The following WNK1 variants were observed in gnomAD, a reference collection of about 807,000 sequenced individuals.
WNK1 encodes the protein WNK lysine deficient protein kinase 1, also known as serine/threonine-protein kinase WNK1.
WNK1 carries 38 observed loss-of-function variants against 222.8 expected under a neutral mutation model. The ratio of observed to expected loss-of-function variants is 0.17; its 90% confidence interval spans 0.13 to 0.22. The LOEUF (loss-of-function observed/expected upper bound fraction) is 0.22. Among genes scored for constraint, WNK1 ranks in the 10% least tolerant of loss-of-function variants. WNK1 has a pLI of 1.00. For missense variants in WNK1, 2,348 were observed against 2,918.4 expected, an observed-to-expected ratio of 0.80 and a Z score of 4.50; for synonymous variants, 1,090 against 1,092.9, an observed-to-expected ratio of 1.00 and a Z score of 0.05.
At chr12:821,361 T>G (rs769857500) in intron 2 of WNK1, among the ~76,000 whole-genome samples, 1 of 152,210 alleles carries the variant, frequency 6.6e-6, no homozygotes, top group African/African-American at 2.4e-5. Flanking sequence ...AGAAAGTGTT[T>G]CCTCCACTTT....
Position 889,685 on chromosome 12 carries a change from G to T in WNK1, c.5448+462G>T, listed in dbSNP as rs187055638. On this transcript the variant is annotated intron_variant, in intron 21 of 27. Coordinates refer to ENST00000315939, the MANE Select transcript of WNK1 (RefSeq NM_018979.4). ...TACAAAAAATTATCCAGGTGTGGTG[G>T]TGCACGCCTGTAGTCCCAGCTACTC... 1.3e-3 allele frequency among the ~76,000 whole-genome samples: 201 copies of T among 152,186 alleles called. 2 individuals are homozygous for T. The highest frequency in any genetic ancestry group is 4.7e-3 in the East Asian group (24 of 5,158).
chr12:802,467 A>G (rs779972588), intron 1 of WNK1, among the ~76,000 whole-genome samples: 1 of 152,208 alleles, frequency 6.6e-6, no homozygotes, highest in East Asian at 1.9e-4. Context: ...GCGGGGTCAT[A>G]AACAGTAGGT....
chr12:757,156 T>C (rs1940177310), intron 1 of WNK1, among the ~76,000 whole-genome samples: 1 of 152,130 alleles, frequency 6.6e-6, no homozygotes, highest in Non-Finnish European at 1.5e-5. Context: ...TTCAGGCTTC[T>C]GTTTTGGGTG....
At chr12:902,215 C>G (rs1043421753) in intron 26 of WNK1, among the ~76,000 whole-genome samples, 1 of 151,864 alleles carries the variant, frequency 6.6e-6, no homozygotes, top group Non-Finnish European at 1.5e-5. Flanking sequence ...GGGAGGATTA[C>G]CACCTTAAGA....
intron 7 of WNK1, 60 bp from the exon 8 acceptor site, chr12:862,023 C>T (rs1416507513): frequency 1.9e-6 from 3 of 1,592,752 alleles, no homozygotes; most frequent in African/African-American, 2.7e-5. Flanking sequence ...AAATGTGAAC[C>T]TCCATTTTGT....
intron 1 of WNK1, among the ~76,000 whole-genome samples, chr12:766,756 T>A (rs1200545912): frequency 6.7e-6 from 1 of 148,696 alleles, no homozygotes; most frequent in East Asian, 2.0e-4. Context: ...GGATGACAGG[T>A]GTGAGCCACC....
In WNK1 at chr12:884,272, T is replaced by C; in HGVS notation, c.3844+29T>C. Reference sequence around the variant, plus strand: ...AGGGATTGATTCTGCCACATTGTTATGTAAATTCTACAGTGCCTCTGCTAT... The same window carrying C: ...AGGGATTGATTCTGCCACATTGTTACGTAAATTCTACAGTGCCTCTGCTAT... On this transcript the variant is annotated intron_variant, in intron 18 of 27. Coordinates refer to ENST00000315939, the MANE Select transcript of WNK1 (RefSeq NM_018979.4). The surrounding 1 kb of genome is among the most constrained non-coding windows in gnomAD (Gnocchi z 5.6). 4 of 1,613,746 alleles carry C rather than the reference T, an allele frequency of 2.5e-6. No individual in the cohort carries two copies. The highest frequency in any genetic ancestry group is 3.4e-6 in the Non-Finnish European group (4 of 1,179,810).
chr12:849,266 A>T (rs1408006859), intron 4 of WNK1, among the ~76,000 whole-genome samples: 2 of 152,170 alleles, frequency 1.3e-5, no homozygotes, highest in African/African-American at 2.4e-5. Context: ...CCATTATCTT[A>T]TGTACTGTTG....
At chr12:887,156 C>A in intron 19 of WNK1, 65 bp from the exon 20 acceptor site, 8 of 1,389,444 alleles carry the variant, frequency 5.8e-6, no homozygotes, top group Non-Finnish European at 8.2e-6. Flanking sequence ...AGTTGATTTG[C>A]TCTTCAGTAC....
intron 1 of WNK1, 88 bp downstream of exon 1, chr12:754,412 G>GCATT: frequency 6.4e-7 from 1 of 1,565,820 alleles, no homozygotes; most frequent in Admixed American, 1.7e-5. Context: ...CCTTCACTTG[G>GCATT]CATTCTCTGT....
At chr12:754,835 C>T (rs1027594107) in intron 1 of WNK1, among the ~76,000 whole-genome samples, 24 of 152,142 alleles carry the variant, frequency 1.6e-4, no homozygotes, top group Non-Finnish European at 4.4e-5. Context: ...AAAAAAGACT[C>T]TTCTCTGCCC....
At chr12:795,751 TC>T (rs1157800288) in intron 1 of WNK1, among the ~76,000 whole-genome samples, 1 of 152,246 alleles carries the variant, frequency 6.6e-6, no homozygotes, top group Non-Finnish European at 1.5e-5. Flanking sequence ...CTATACAGTT[TC>T]TTGAAGTTTG....
At position 830,127 on chromosome 12, in the gene WNK1, A is replaced by G; in HGVS notation, c.1278A>G (p.Gln426=). 6.2e-7 allele frequency: 1 copy of G among 1,614,168 alleles called. No individual in the cohort carries two copies. The highest frequency in any genetic ancestry group is 8.5e-7 in the Non-Finnish European group (1 of 1,180,036). The stretch of plus-strand genomic sequence containing the variant: ...CTGAATATCCTTACTCGGAGTGCCA[A>G]AATGCTGCACAGATCTACCGTCGCG... ...ATSEYPYSEC[Q]NAAQIYRRVT... The change falls in exon 4 of 28, where the codon CAA becomes CAG. Residue 426 remains glutamine (Q), a synonymous_variant. Coordinates refer to ENST00000315939, the MANE Select transcript of WNK1 (RefSeq NM_018979.4).
At chr12:855,883 A>C (rs1027959415) in intron 4 of WNK1, among the ~76,000 whole-genome samples, 5 of 151,988 alleles carry the variant, frequency 3.3e-5, no homozygotes, top group African/African-American at 9.7e-5. Flanking sequence ...CTCTGTCACC[A>C]GGCTGGAGTG....
At chr12:771,857 C>T (rs924507703) in intron 1 of WNK1, among the ~76,000 whole-genome samples, 2 of 152,114 alleles carry the variant, frequency 1.3e-5, no homozygotes, top group Non-Finnish European at 2.9e-5. Context: ...ACACTGTCAC[C>T]TAGGCTGGTC....
intron 4 of WNK1, among the ~76,000 whole-genome samples, chr12:850,810 CATTT>C (rs1950367261): frequency 6.6e-6 from 1 of 152,156 alleles, no homozygotes; most frequent in African/African-American, 2.4e-5. Flanking sequence ...TTCCCAGCAC[CATTT>C]ATTAGATAGG....
At chr12:789,534 CTTT>C (rs34511181) in intron 1 of WNK1, among the ~76,000 whole-genome samples, 2 of 117,744 alleles carry the variant, frequency 1.7e-5, no homozygotes, top group African/African-American at 3.1e-5. Flanking sequence ...GGTTATACTC[CTTT>C]TTTTTTTTTT....
At chr12:904,334 C>A in intron 26 of WNK1, 2 of 679,208 alleles carry the variant, frequency 2.9e-6, no homozygotes, top group Non-Finnish European at 4.6e-6. Flanking sequence ...CAGGTCCTAC[C>A]TATCTGTCTC....
intron 21 of WNK1, 79 bp from the exon 22 acceptor site, chr12:890,374 C>T: frequency 6.9e-7 from 1 of 1,444,360 alleles, no homozygotes; most frequent in East Asian, 2.3e-5. Context: ...TTTACAAAGA[C>T]CATAGGAAAG....
Sources: allele counts gnomAD v4.1 joint callset (sites outside exome capture counted in the v4.1 genomes callset), GRCh38; gene constraint gnomAD v4.1.1; non-coding constraint Gnocchi (gnomAD v3.1); transcripts MANE v1.5; gene names NCBI Gene and HGNC (gene_info 2026-07-23, HGNC 2026-07-21).